The following HCN1 variants were observed in gnomAD, a reference collection of about 807,000 sequenced individuals.
HCN1 encodes the protein hyperpolarization activated cyclic nucleotide gated potassium channel 1.
HCN1 carries 13 observed loss-of-function variants against 78.9 expected under a neutral mutation model. The observed-to-expected ratio is 0.16, with a 90% CI of 0.11 to 0.26. HCN1 has a LOEUF of 0.26. Among genes scored for constraint, HCN1 ranks in the 10% least tolerant of loss-of-function variants. HCN1 has a pLI of 1.00. For missense variants in HCN1, 810 were observed against 1,154.3 expected (o/e 0.70, Z 4.32); for synonymous variants, 552 against 455.5 (o/e 1.21, Z -2.70).
intron 3 of HCN1, among the ~76,000 whole-genome samples, chr5:45,414,331 T>C (rs1333332856): frequency 6.6e-6 from 1 of 152,020 alleles, no homozygotes; most frequent in Non-Finnish European, 1.5e-5. Flanking sequence ...TGGGTTACTC[T>C]CAATTATTTA....
intron 2 of HCN1, among the ~76,000 whole-genome samples, chr5:45,568,615 T>G (rs970177957): frequency 1.3e-5 from 2 of 152,048 alleles, no homozygotes; most frequent in African/African-American, 4.8e-5. Flanking sequence ...ATTATTAGTT[T>G]TAAAAATCAA....
intron 4 of HCN1, among the ~76,000 whole-genome samples, chr5:45,375,805 TATATATAATATA>T (rs1747626496): frequency 8.7e-6 from 1 of 115,604 alleles, no homozygotes; most frequent in Non-Finnish European, 1.6e-5. Flanking sequence ...TGATATATCT[TATATATAATATA>T]ATATTTTATG....
At chr5:45,551,176 T>C (rs1183037971) in intron 2 of HCN1, among the ~76,000 whole-genome samples, 1 of 151,986 alleles carries the variant, frequency 6.6e-6, no homozygotes, top group East Asian at 1.9e-4. Flanking sequence ...TATTCAGTGA[T>C]ACGCATGTCT....
At chr5:45,578,279 C>A (rs1743989271) in intron 2 of HCN1, among the ~76,000 whole-genome samples, 1 of 151,912 alleles carries the variant, frequency 6.6e-6, no homozygotes, top group African/African-American at 2.4e-5. Context: ...GATGTCAACA[C>A]CAGGCTGGAA....
At chr5:45,276,170 G>A (rs374260284) in intron 6 of HCN1, among the ~76,000 whole-genome samples, 11 of 151,966 alleles carry the variant, frequency 7.2e-5, no homozygotes, top group African/African-American at 1.2e-4. Flanking sequence ...AGCCTAAAAG[G>A]TTATTTGTCT....
intron 4 of HCN1, among the ~76,000 whole-genome samples, chr5:45,385,988 T>G (rs1237719450): frequency 6.6e-6 from 1 of 152,070 alleles, no homozygotes; most frequent in African/African-American, 2.4e-5. Flanking sequence ...AAAAATACAT[T>G]TTATGAATTG....
At chr5:45,530,209 T>A (rs1742813362) in intron 2 of HCN1, among the ~76,000 whole-genome samples, 1 of 151,966 alleles carries the variant, frequency 6.6e-6, no homozygotes. Flanking sequence ...GCAAATCAGG[T>A]GCCACTCCTA....
At chr5:45,577,193 G>T (rs1024575619) in intron 2 of HCN1, among the ~76,000 whole-genome samples, 1 of 151,954 alleles carries the variant, frequency 6.6e-6, no homozygotes, top group Non-Finnish European at 1.5e-5. Context: ...TGTTTTCAAG[G>T]TTATTACAAT....
intron 3 of HCN1, among the ~76,000 whole-genome samples, chr5:45,435,160 T>G (rs1456186686): frequency 6.6e-6 from 1 of 152,090 alleles, no homozygotes; most frequent in Non-Finnish European, 1.5e-5. Context: ...ATGACTAATT[T>G]ATATACTTAT....
chr5:45,611,922 GA>G (rs771251125), intron 2 of HCN1, among the ~76,000 whole-genome samples: 10 of 151,152 alleles, frequency 6.6e-5, no homozygotes, highest in East Asian at 1.9e-4. Flanking sequence ...TTGGGAAGCT[GA>G]AAAAAAAATA....
intron 1 of HCN1, among the ~76,000 whole-genome samples, chr5:45,684,159 T>C (rs1381741158): frequency 6.6e-6 from 1 of 152,172 alleles, no homozygotes. Flanking sequence ...AGGCAAAATA[T>C]TGTAAATAAA....
At chr5:45,432,516 A>C (rs1363291540) in intron 3 of HCN1, among the ~76,000 whole-genome samples, 2 of 151,858 alleles carry the variant, frequency 1.3e-5, no homozygotes. Flanking sequence ...GACTTCTAGT[A>C]CTATGTTGAA....
intron 1 of HCN1, among the ~76,000 whole-genome samples, chr5:45,686,005 G>A (rs1052786385): frequency 6.6e-6 from 1 of 151,820 alleles, no homozygotes; most frequent in African/African-American, 2.4e-5. Flanking sequence ...CTCTTAAATA[G>A]CATTAAATGC....
chr5:45,525,471 A>C (rs562012664), intron 2 of HCN1, among the ~76,000 whole-genome samples: 1 of 151,726 alleles, frequency 6.6e-6, no homozygotes, highest in Non-Finnish European at 1.5e-5. Context: ...GTATGATAAA[A>C]TGAATATAAA....
intron 2 of HCN1, among the ~76,000 whole-genome samples, chr5:45,567,558 TACAC>T (rs36230541): frequency 0.26 from 34,182 of 132,622 alleles, 4,514 homozygotes; most frequent in East Asian, 0.43. Context: ...CATTTTAGGC[TACAC>T]ACACACACAC....
In HCN1 at chr5:45,375,804, T is replaced by TATATAATATAATATTTTATGATATACAA. The variant is rs1561131784; in HGVS notation, c.1230+20687_1230+20688insTTGTATATCATAAAATATTATATTATAT. 1.0e-4 allele frequency among the ~76,000 whole-genome samples: 12 copies of TATATAATATAATATTTTATGATATACAA among 114,596 alleles called. 1 individual carries two copies. Among genetic ancestry groups the TATATAATATAATATTTTATGATATACAA allele is most frequent in the African/African-American group, 4.6e-4 (12 of 26,362 alleles). The allele number at this position is 114,596 out of a possible 152,430, so 75.2% of individuals were successfully genotyped here. A position where few individuals can be genotyped will look rare whatever the true frequency, so the allele number is the denominator to read the frequency against. ...ATAATATAATATTTTATGATATATC[T>TATATAATATAATATTTTATGATATACAA]TATATATAATATAATATTTTATGAT... On this transcript the variant is annotated intron_variant, in intron 4 of 7. Transcript: ENST00000303230.
At chr5:45,470,531 T>G (rs1363868734) in intron 2 of HCN1, among the ~76,000 whole-genome samples, 1 of 151,834 alleles carries the variant, frequency 6.6e-6, no homozygotes, top group Non-Finnish European at 1.5e-5. Flanking sequence ...TTGGACACCT[T>G]CCAGAAGGAA....
intron 3 of HCN1, among the ~76,000 whole-genome samples, chr5:45,403,510 C>A (rs1739863290): frequency 1.3e-5 from 2 of 152,008 alleles, no homozygotes; most frequent in South Asian, 4.1e-4. Flanking sequence ...AAATGCCAAG[C>A]AAAAGGGAAA....
At chr5:45,420,665 T>C (rs1262528595) in intron 3 of HCN1, among the ~76,000 whole-genome samples, 1 of 152,158 alleles carries the variant, frequency 6.6e-6, no homozygotes, top group Non-Finnish European at 1.5e-5. Flanking sequence ...CATAAAGTCT[T>C]TTTTTATTTC....
Sources: allele counts gnomAD v4.1 joint callset (sites outside exome capture counted in the v4.1 genomes callset), GRCh38; gene constraint gnomAD v4.1.1; transcripts MANE v1.5; gene names NCBI Gene and HGNC (gene_info 2026-07-23, HGNC 2026-07-21).